Variants in GALNT17 observed in about 807,000 individuals in gnomAD.
GALNT17 encodes polypeptide N-acetylgalactosaminyltransferase 17.
A neutral mutation model predicts 63.7 loss-of-function variants in GALNT17; 29 were observed. The ratio of observed to expected loss-of-function variants is 0.46; its 90% CI spans 0.34 to 0.62. The LOEUF (loss-of-function observed/expected upper bound fraction) is 0.62, where lower values mean the gene tolerates loss of function less well. GALNT17 is among the 20% of genes least tolerant of loss of function. GALNT17 has a pLI of 0.01. For missense variants in GALNT17, 603 were observed against 799.6 expected (o/e 0.75, Z 2.97); for synonymous variants, 305 against 318.3 (o/e 0.96, Z 0.45).
chr7:71,135,496 G>GT (rs1284224930), intron 1 of GALNT17, among the ~76,000 whole-genome samples: 1 of 152,228 alleles, frequency 6.6e-6, no homozygotes, highest in African/African-American at 2.4e-5. Context: ...CAGCTAGTGA[G>GT]TGTCAGAGCT....
At chr7:71,587,998 T>C (rs2116911462) in intron 6 of GALNT17, among the ~76,000 whole-genome samples, 1 of 152,350 alleles carries the variant, frequency 6.6e-6, no homozygotes, top group Non-Finnish European at 1.5e-5. Flanking sequence ...AGACCTGGAA[T>C]TGGCCATTTC....
rs1030919661 is a variant in GALNT17, at chr7:71,203,544, C to T, written c.238+70504C>T. 2.6e-5 allele frequency among the ~76,000 whole-genome samples: 4 copies of T among 152,122 alleles called. No homozygotes were observed. The East Asian group carries it at 7.7e-4, about 29-fold the overall frequency. ...GTTCCTTATAAATTTTGGATATTAA[C>T]CCCTTGTCAGGGGCATGGTGTATTA... On this transcript the variant is annotated intron_variant, in intron 1 of 10. Transcript: ENST00000333538.
chr7:71,163,067 C>A (rs1788376681), intron 1 of GALNT17, among the ~76,000 whole-genome samples: 1 of 152,018 alleles, frequency 6.6e-6, no homozygotes, highest in Non-Finnish European at 1.5e-5. Context: ...GTGGTCAGAT[C>A]CTGAATATAT....
intron 1 of GALNT17, among the ~76,000 whole-genome samples, chr7:71,227,791 C>G (rs945084698): frequency 3.3e-5 from 5 of 152,038 alleles, no homozygotes; most frequent in African/African-American, 9.7e-5. Context: ...GCCAAAAAAC[C>G]CATTGCCTGG....
chr7:71,529,973 G>A (rs1270723449), intron 5 of GALNT17, among the ~76,000 whole-genome samples: 1 of 152,186 alleles, frequency 6.6e-6, no homozygotes, highest in Non-Finnish European at 1.5e-5. Flanking sequence ...TTTAAAAATA[G>A]AGATTAATTA....
rs115787187 is a variant in GALNT17, at chr7:71,508,955, T to G, written c.963-62330T>G. On this transcript the variant is annotated intron_variant, in intron 5 of 10. Transcript: ENST00000333538. ...GTGTGTGTATGCGTGTGCATGCCCG[T>G]TCCCGTGTGTCTGCGTACATACAGC... is the stretch of plus-strand genomic sequence containing the variant. 3.0e-3 allele frequency among the ~76,000 whole-genome samples: 464 copies of G among 152,272 alleles called. 1 individual carries two copies. The highest frequency in any genetic ancestry group is 0.01 in the African/African-American group (428 of 41,552).
intron 5 of GALNT17, among the ~76,000 whole-genome samples, chr7:71,556,505 A>G (rs1027059312): frequency 6.6e-6 from 1 of 152,058 alleles, no homozygotes; most frequent in Non-Finnish European, 1.5e-5. Flanking sequence ...TAAATATGTA[A>G]TATGTCAGAG....
intron 5 of GALNT17, among the ~76,000 whole-genome samples, chr7:71,466,418 T>G (rs1201064629): frequency 1.3e-5 from 2 of 152,202 alleles, no homozygotes; most frequent in Non-Finnish European, 2.9e-5. Context: ...CCAACTTCAC[T>G]CTGGTATAGT....
At chr7:71,290,008 G>A (rs1265384938) in intron 1 of GALNT17, among the ~76,000 whole-genome samples, 1 of 152,130 alleles carries the variant, frequency 6.6e-6, no homozygotes, top group Non-Finnish European at 1.5e-5. Context: ...TAGCGCCACT[G>A]CACTCCAGCA....
At chr7:71,664,575 C>T (rs665886) in intron 6 of GALNT17, among the ~76,000 whole-genome samples, 84,287 of 152,062 alleles carry the variant, frequency 0.55, 24,042 homozygotes, top group East Asian at 0.98. Flanking sequence ...CGCACCACTG[C>T]ACTCCAGTCT....
intron 9 of GALNT17, among the ~76,000 whole-genome samples, chr7:71,699,440 C>T (rs1203112321): frequency 8.1e-5 from 12 of 147,520 alleles, no homozygotes; most frequent in African/African-American, 2.7e-4. Flanking sequence ...TGCGCCACTG[C>T]GCTCCAGCCT....
chr7:71,453,240 C>G (rs73363797), intron 5 of GALNT17, among the ~76,000 whole-genome samples: 2,014 of 152,240 alleles, frequency 0.013, 46 homozygotes, highest in African/African-American at 0.047. Context: ...TTCCAGGTAT[C>G]TTTTGTCTAG....
chr7:71,584,764 T>C lies in GALNT17; in HGVS notation c.1080+13362T>C, dbSNP rs946475740. On this transcript the variant is annotated intron_variant, in intron 6 of 10. Transcript: ENST00000333538. The stretch of plus-strand genomic sequence containing the variant: ...AACATTTCTTCTCACCTTTATTTAT[T>C]TATTTATTTAATTTATTTATTTTGA... Among the ~76,000 whole-genome samples, 45 of 152,258 alleles carry C rather than the reference T, an allele frequency of 3.0e-4. 1 individual carries two copies. Among genetic ancestry groups the C allele is most frequent in the African/African-American group, 1.1e-3 (44 of 41,562 alleles).
At position 71,183,158 on chromosome 7, in the gene GALNT17, G is replaced by A. The variant is rs57048259; in HGVS notation, c.238+50118G>A. Among the ~76,000 whole-genome samples the A allele has an allele frequency of 1.7e-3, 258 of 152,226 alleles. 1 individual carries two copies. Among genetic ancestry groups the A allele is most frequent in the African/African-American group, 5.9e-3 (244 of 41,532 alleles). On this transcript the variant is annotated intron_variant, in intron 1 of 10. Transcript: ENST00000333538. ...ACTGTGCCAGAGATGAGAGTGACCCGGTTGCCTTTTTTTTTCTTAAGTAAT... is the reference window on the plus strand; with the variant it reads ...ACTGTGCCAGAGATGAGAGTGACCCAGTTGCCTTTTTTTTTCTTAAGTAAT...
chr7:71,265,119 T>TATATCTATATATATATA (rs58855212), intron 1 of GALNT17, among the ~76,000 whole-genome samples: 1 of 14,412 alleles, frequency 6.9e-5, no homozygotes, highest in Non-Finnish European at 1.3e-4. Flanking sequence ...TATATATATA[T>TATATCTATATATATATA]TTTTTTTTTT....
intron 5 of GALNT17, among the ~76,000 whole-genome samples, chr7:71,430,593 A>G (rs1382407412): frequency 6.6e-6 from 1 of 152,198 alleles, no homozygotes; most frequent in African/African-American, 2.4e-5. Context: ...TTGCTCATGA[A>G]TAACTAATTA....
intron 5 of GALNT17, among the ~76,000 whole-genome samples, chr7:71,464,822 C>T (rs1787509421): frequency 6.6e-6 from 1 of 151,908 alleles, no homozygotes; most frequent in East Asian, 1.9e-4. Flanking sequence ...GTCTTGTTCT[C>T]CCCAGCATCC....
At chr7:71,241,144 T>C (rs1333119059) in intron 1 of GALNT17, among the ~76,000 whole-genome samples, 1 of 152,206 alleles carries the variant, frequency 6.6e-6, no homozygotes, top group African/African-American at 2.4e-5. Context: ...CCATCATACT[T>C]GGAATATTCT....
Position 71,361,248 on chromosome 7 carries a change from T to C in GALNT17, c.422+25515T>C, listed in dbSNP as rs1255734591. On this transcript the variant is annotated intron_variant, in intron 2 of 10. Transcript: ENST00000333538. ...TGGGCATAAGAAACACCTGGGGGGG[T>C]GTCAATTGAAATACAAAATAAATAA... Among the ~76,000 whole-genome samples, 4 of 152,010 alleles carry C rather than the reference T, an allele frequency of 2.6e-5. No homozygotes were observed. In the South Asian group the frequency reaches 8.3e-4, roughly 32 times the overall value.
Sources: allele counts gnomAD v4.1 joint callset (sites outside exome capture counted in the v4.1 genomes callset), GRCh38; gene constraint gnomAD v4.1.1; transcripts MANE v1.5; gene names NCBI Gene and HGNC (gene_info 2026-07-23, HGNC 2026-07-21).